CDCP2: variants seen among roughly 807,000 people sequenced by gnomAD.
CDCP2 encodes the protein CUB domain containing protein 2, also known as CUB domain-containing protein 2.
Under a neutral mutation model 31.0 loss-of-function variants are expected in CDCP2, and 31 were observed. The observed-to-expected ratio is 1.00, with a 90% confidence interval of 0.75 to 1.35. The LOEUF (loss-of-function observed/expected upper bound fraction) is 1.35. CDCP2 is among the 40% of genes most tolerant of loss of function. CDCP2 has a pLI of 0.00. For missense variants in CDCP2, 443 were observed against 482.6 expected, an observed-to-expected ratio of 0.92 and a Z score of 0.77; for synonymous variants, 206 against 207.9, an observed-to-expected ratio of 0.99 and a Z score of 0.08.
rs199703422 is a variant in CDCP2, at chr1:54,139,759, T to C, written c.1111A>G (p.Ile371Val). 1.8e-5 allele frequency: 29 copies of C among 1,614,068 alleles called. No homozygotes were observed. In the Admixed American group the frequency reaches 2.3e-4, roughly 13 times the overall value. ...CTCCCACAGCCCAGCTGACCTCCGA[T>C]GTAGGCCACAGAGAAGCCCCTGCGG... Residue 371 changes from isoleucine to valine, a missense_variant, in exon 4 of 6, where the codon ATC (isoleucine) becomes GTC (valine). By Grantham distance (29) the Ile-to-Val change is conservative. Transcript: ENST00000530059.
intron 4 of CDCP2, chr1:54,139,430 C>T: frequency 9.6e-7 from 1 of 1,039,718 alleles, no homozygotes; most frequent in Non-Finnish European, 1.4e-6. Context: ...TTGTCTATTT[C>T]CCCTGGATAC....
rs546875969 is a variant in CDCP2, at chr1:54,135,359, G to A, written c.1296+1271C>T. On this transcript the variant is annotated intron_variant, in intron 5 of 5. Transcript: ENST00000530059. ...TATTGCTGTCAGCCGTTTGAGCTGC[G>A]TATCTTCCAAAGCAACTCTATGCAA... is the stretch of plus-strand genomic sequence containing the variant. Among the ~76,000 whole-genome samples the A allele has an allele frequency of 3.9e-5, 6 of 152,308 alleles. No homozygotes were observed. The South Asian group carries it at 6.2e-4, about 16-fold the overall frequency.
intron 5 of CDCP2, among the ~76,000 whole-genome samples, chr1:54,135,450 G>A (rs1166196534): frequency 6.6e-6 from 1 of 152,134 alleles, no homozygotes; most frequent in East Asian, 1.9e-4. Flanking sequence ...TGAATCAAAG[G>A]TTTTCTGATT....
At chr1:54,140,774 G>A (rs1173108600) in intron 3 of CDCP2, 1 of 252,764 alleles carries the variant, frequency 4.0e-6, no homozygotes, top group Non-Finnish European at 7.6e-6. Context: ...CAGGTACAAA[G>A]ATAAGCCCAT....
Position 54,139,515 on chromosome 1 carries a change from C to T in CDCP2, c.1117+238G>A, listed in dbSNP as rs144802093. On this transcript the variant is annotated intron_variant, in intron 4 of 5. Transcript: ENST00000530059. The stretch of plus-strand genomic sequence containing the variant: ...CCAGATGGGGAGGGGTGAGGACTCA[C>T]GAAGTTAGAAGCTGGGGAAGGAGGC... 2,688 of 1,610,164 alleles carry T rather than the reference C, an allele frequency of 1.7e-3. 10 individuals carry two copies. The highest frequency in any genetic ancestry group is 2.1e-3 in the Non-Finnish European group (2,501 of 1,177,964).
At chr1:54,144,291 A>C (rs1570066788) in intron 2 of CDCP2, 175 bp downstream of exon 2, 1 of 596,000 alleles carries the variant, frequency 1.7e-6, no homozygotes, top group East Asian at 2.8e-5. Context: ...GAGACCCTGT[A>C]GGTCTCACCT....
chr1:54,135,294 T>C (rs1659240545), intron 5 of CDCP2, among the ~76,000 whole-genome samples: 3 of 152,320 alleles, frequency 2.0e-5, no homozygotes, highest in South Asian at 4.2e-4. Context: ...AAGTCTCTAA[T>C]GTTTTTAAAG....
intron 5 of CDCP2, among the ~76,000 whole-genome samples, chr1:54,134,462 G>C (rs766162691): frequency 3.9e-5 from 6 of 152,182 alleles, no homozygotes; most frequent in Non-Finnish European, 5.9e-5. Flanking sequence ...GTGATGGGCA[G>C]TCTGGCGTGG....
chr1:54,138,352 A>G (rs1352154667), intron 4 of CDCP2: 1 of 152,222 alleles, frequency 6.6e-6, no homozygotes. Context: ...GTGCTAACAG[A>G]GCCACAGCTC....
intron 1 of CDCP2, among the ~76,000 whole-genome samples, chr1:54,152,361 G>A (rs1359331969): frequency 6.6e-6 from 1 of 152,086 alleles, no homozygotes; most frequent in Non-Finnish European, 1.5e-5. Context: ...CTACTCGAGA[G>A]GCTGAGACAG....
At chr1:54,137,671 G>GCA in intron 4 of CDCP2, 1 of 121,646 alleles carries the variant, frequency 8.2e-6, no homozygotes, top group Non-Finnish European at 1.7e-5. Flanking sequence ...GCATGTGTGT[G>GCA]TGTGTGTGTG....
chr1:54,143,442 A>AAAAAAT (rs1659409602), intron 2 of CDCP2: 2 of 60,228 alleles, frequency 3.3e-5, no homozygotes, highest in South Asian at 1.2e-3. Flanking sequence ...TTTTTTAAAT[A>AAAAAAT]TAGGGGATTA....
intron 3 of CDCP2, chr1:54,140,605 A>C: frequency 4.8e-6 from 1 of 207,828 alleles, no homozygotes; most frequent in Non-Finnish European, 9.7e-6. Context: ...GTACTGCTCA[A>C]TTCTCTTCTC....
chr1:54,138,251 A>T (rs1659295017), intron 4 of CDCP2: 1 of 152,468 alleles, frequency 6.6e-6, no homozygotes. Flanking sequence ...CAATATCCTC[A>T]TCTTACAGGT....
At chr1:54,140,463 C>T in intron 3 of CDCP2, 1 of 364,608 alleles carries the variant, frequency 2.7e-6, no homozygotes, top group South Asian at 2.4e-5. Flanking sequence ...CCTGGCCTTT[C>T]CCCTTTTCTC....
rs547222730 is a variant in CDCP2, at chr1:54,152,417, T to G, written c.79+427A>C. ...AGGTGGAGGTTGCAGTGAGCTGAAATAGGGCCACTGCACTCCAGCCTGGGC... is the reference window on the plus strand; with the variant it reads ...AGGTGGAGGTTGCAGTGAGCTGAAAGAGGGCCACTGCACTCCAGCCTGGGC... On this transcript the variant is annotated intron_variant, in intron 1 of 5. Coordinates refer to ENST00000530059, the Ensembl canonical transcript of CDCP2. Among the ~76,000 whole-genome samples the G allele has an allele frequency of 3.4e-5, 5 of 149,142 alleles. No individual in the cohort carries two copies. The South Asian group carries it at 6.4e-4, about 19-fold the overall frequency.
In CDCP2 at chr1:54,139,743, CCCAG is replaced by C; in HGVS notation, c.1117+6_1117+9del. 3.1e-6 allele frequency: 5 copies of C among 1,614,234 alleles called. No individual in the cohort carries two copies. In the East Asian group the frequency reaches 1.1e-4, roughly 36 times the overall value. ...GCCCTCAGTGGACCCACTCCCACAGCCCAGCTGACCTCCGATGTAGGCCACAGAG... is the reference window on the plus strand; with the variant it reads ...GCCCTCAGTGGACCCACTCCCACAGCCTGACCTCCGATGTAGGCCACAGAG... On this transcript the variant is annotated splice_donor_region_variant and intron_variant, in intron 4 of 5. Coordinates refer to ENST00000530059, the Ensembl canonical transcript of CDCP2.
At chr1:54,132,763 C>T (rs1366428259), downstream of CDCP2, 2 of 395,466 alleles carry the variant, frequency 5.1e-6, no homozygotes, top group East Asian at 3.6e-5. Context: ...GATTACAAAG[C>T]TCTTATCCAT....
intron 4 of CDCP2, among the ~76,000 whole-genome samples, chr1:54,137,336 C>T (rs1659275274): frequency 1.3e-5 from 2 of 151,958 alleles, no homozygotes; most frequent in African/African-American, 4.8e-5. Context: ...CAGCGTGCCC[C>T]AAAGGAAAAT....
Sources: allele counts gnomAD v4.1 joint callset (sites outside exome capture counted in the v4.1 genomes callset), GRCh38; gene constraint gnomAD v4.1.1; transcripts MANE v1.5; gene names NCBI Gene and HGNC (gene_info 2026-07-23, HGNC 2026-07-21).